The following SHROOM3 variants were observed in gnomAD, a reference collection of about 807,000 sequenced individuals.
The protein encoded by SHROOM3 is shroom family member 3.
SHROOM3 carries 47 observed loss-of-function variants against 138.6 expected under a neutral mutation model. The observed-to-expected ratio is 0.34, with a 90% CI of 0.27 to 0.43. The LOEUF is 0.43. Ranked by LOEUF, SHROOM3 falls within the 20% of genes least tolerant of loss-of-function variation. The probability of loss-of-function intolerance (pLI) is 1.00; values close to 1 mark genes in which losing one functional copy is unlikely to be tolerated. For synonymous variants in SHROOM3, 1,062 were observed against 1,063.3 expected, an observed-to-expected ratio of 1.00 and a Z score of 0.02; for missense variants, 2,491 against 2,596.5, an observed-to-expected ratio of 0.96 and a Z score of 0.88.
At chr4:76,699,159 G>A (rs1307376389) in intron 2 of SHROOM3, among the ~76,000 whole-genome samples, 1 of 152,196 alleles carries the variant, frequency 6.6e-6, no homozygotes, top group Non-Finnish European at 1.5e-5. Context: ...AGAGAATAGT[G>A]GCCAGGAACT....
At chr4:76,537,689 G>A (rs1198202734) in intron 1 of SHROOM3, among the ~76,000 whole-genome samples, 1 of 152,038 alleles carries the variant, frequency 6.6e-6, no homozygotes, top group Non-Finnish European at 1.5e-5. Context: ...TAAGATTTTT[G>A]GTGTTTATGA....
intron 5 of SHROOM3, among the ~76,000 whole-genome samples, chr4:76,744,527 T>C (rs1455789343): frequency 1.3e-5 from 2 of 152,260 alleles, no homozygotes; most frequent in Non-Finnish European, 2.9e-5. Flanking sequence ...TTTGTAGTTA[T>C]GATGAGTAAA....
At chr4:76,777,077 C>T (rs953715338) in intron 10 of SHROOM3, among the ~76,000 whole-genome samples, 15 of 151,988 alleles carry the variant, frequency 9.9e-5, no homozygotes, top group African/African-American at 3.6e-4. Flanking sequence ...TTTGGCTATG[C>T]GGGCTCTTTT....
At position 76,668,912 on chromosome 4, in the gene SHROOM3, T is replaced by C. The variant is rs116477122; in HGVS notation, c.324-41244T>C. Among the ~76,000 whole-genome samples the C allele has an allele frequency of 6.5e-3, 993 of 152,332 alleles. 7 individuals are homozygous for C. The highest frequency in any genetic ancestry group is 0.023 in the African/African-American group (936 of 41,582). ...ACATTCTGACTACTACAGTATAGTTTTCTCTATTATTTAATTTCCCCCTTC... is the reference window on the plus strand; with the variant it reads ...ACATTCTGACTACTACAGTATAGTTCTCTCTATTATTTAATTTCCCCCTTC... On this transcript the variant is annotated intron_variant, in intron 2 of 10. Transcript: ENST00000296043.
intron 1 of SHROOM3, among the ~76,000 whole-genome samples, chr4:76,529,615 GAGCCC>G (rs1330319301): frequency 6.6e-6 from 1 of 152,070 alleles, no homozygotes; most frequent in Non-Finnish European, 1.5e-5. Flanking sequence ...ATGAGCCACC[GAGCCC>G]AGCCTGTAGG....
At chr4:76,750,945 C>T (rs192258991) in intron 6 of SHROOM3, among the ~76,000 whole-genome samples, 1 of 152,266 alleles carries the variant, frequency 6.6e-6, no homozygotes, top group Non-Finnish European at 1.5e-5. Flanking sequence ...CAGCTGCATG[C>T]CTAGTGCTTG....
At chr4:76,708,998 A>T (rs1180455699) in intron 2 of SHROOM3, among the ~76,000 whole-genome samples, 1 of 152,234 alleles carries the variant, frequency 6.6e-6, no homozygotes, top group Non-Finnish European at 1.5e-5. Flanking sequence ...TAAGGTAAAC[A>T]TGAAAACTTG....
chr4:76,665,836 T>C (rs1315058092), intron 2 of SHROOM3, among the ~76,000 whole-genome samples: 1 of 152,168 alleles, frequency 6.6e-6, no homozygotes, highest in Non-Finnish European at 1.5e-5. Flanking sequence ...TCTCTCCTGT[T>C]TACTGGTATA....
chr4:76,478,300 A>G (rs1207862585), intron 1 of SHROOM3, among the ~76,000 whole-genome samples: 1 of 152,204 alleles, frequency 6.6e-6, no homozygotes, highest in Non-Finnish European at 1.5e-5. Context: ...GGGGAGGGGC[A>G]TCCGCCATTA....
chr4:76,460,827 C>CA lies in SHROOM3; in HGVS notation c.168+24624dup, dbSNP rs58793404. On this transcript the variant is annotated intron_variant, in intron 1 of 10. Transcript: ENST00000296043. Reference sequence around the variant, plus strand: ...GTAACACAGTGAAAGCCCGTATCTACAAAAAAAAAAAAAAAAATTAGCCAG... The same window carrying CA: ...GTAACACAGTGAAAGCCCGTATCTACAAAAAAAAAAAAAAAAAATTAGCCAG... Among the ~76,000 whole-genome samples, 524 of 78,772 alleles carry CA rather than the reference C, an allele frequency of 6.7e-3. 32 individuals carry two copies. The highest frequency in any genetic ancestry group is 0.01 in the East Asian group (22 of 2,096). The allele number at this position is 78,772 out of a possible 152,430, so 51.7% of individuals were successfully genotyped here. A position where few individuals can be genotyped will look rare whatever the true frequency, so the allele number is the denominator to read the frequency against.
At chr4:76,763,215 A>T (rs1254681547) in intron 9 of SHROOM3, among the ~76,000 whole-genome samples, 1 of 151,882 alleles carries the variant, frequency 6.6e-6, no homozygotes, top group Non-Finnish European at 1.5e-5. Flanking sequence ...GTGAAACCCT[A>T]TCTCTACCAA....
intron 2 of SHROOM3, chr4:76,689,690 G>A (rs1719458938): frequency 1.0e-5 from 10 of 985,526 alleles, no homozygotes; most frequent in Non-Finnish European, 1.2e-5. Flanking sequence ...CGGCCGCGAG[G>A]CGAGCGGCGA....
chr4:76,668,269 A>G (rs1718773036), intron 2 of SHROOM3, among the ~76,000 whole-genome samples: 1 of 151,682 alleles, frequency 6.6e-6, no homozygotes. Context: ...CAGTTTGATT[A>G]AAAGGCATAT....
chr4:76,547,403 G>A (rs1338776360), intron 1 of SHROOM3, among the ~76,000 whole-genome samples: 1 of 152,182 alleles, frequency 6.6e-6, no homozygotes, highest in African/African-American at 2.4e-5. Context: ...TTATTGTGTT[G>A]TTGTGACAAT....
chr4:76,715,211 G>T (rs1346590676), intron 3 of SHROOM3, among the ~76,000 whole-genome samples: 2 of 152,114 alleles, frequency 1.3e-5, no homozygotes. Flanking sequence ...CTCCTTCATT[G>T]TGGAGAAAAT....
At chr4:76,582,443 TC>T (rs1734070623) in intron 2 of SHROOM3, among the ~76,000 whole-genome samples, 1 of 151,950 alleles carries the variant, frequency 6.6e-6, no homozygotes, top group African/African-American at 2.4e-5. Flanking sequence ...CCATAGACCT[TC>T]ATCTCTAATC....
At chr4:76,642,341 CT>C (rs1268196376) in intron 2 of SHROOM3, among the ~76,000 whole-genome samples, 2 of 152,144 alleles carry the variant, frequency 1.3e-5, no homozygotes, top group Non-Finnish European at 2.9e-5. Flanking sequence ...GTAAGGATGA[CT>C]GCGATTGGGT....
chr4:76,702,959 A>T (rs1719945549), intron 2 of SHROOM3, among the ~76,000 whole-genome samples: 1 of 152,200 alleles, frequency 6.6e-6, no homozygotes, highest in South Asian at 2.1e-4. Context: ...TCTGGAGATA[A>T]TTAAGCTTAC....
At chr4:76,504,153 T>C (rs1464483479) in intron 1 of SHROOM3, among the ~76,000 whole-genome samples, 2 of 152,030 alleles carry the variant, frequency 1.3e-5, no homozygotes, top group Non-Finnish European at 2.9e-5. Context: ...GAAGCCGACT[T>C]CTCAAAAAAA....
Sources: gnomAD v4.1 joint callset for allele counts (sites outside exome capture counted in the v4.1 genomes callset) on GRCh38, gnomAD v4.1.1 for gene constraint, MANE v1.5 for transcripts, NCBI Gene and HGNC (gene_info 2026-07-23, HGNC 2026-07-21) for gene names.